Variants in MAF observed in about 807,000 individuals in gnomAD.
The protein encoded by MAF is transcription factor Maf.
A neutral mutation model predicts 22.0 loss-of-function variants in MAF; 10 were observed. That is an observed-to-expected ratio of 0.45 (90% confidence interval 0.28 to 0.77). The LOEUF is 0.77. Ranked by LOEUF, MAF falls within the 30% of genes least tolerant of loss-of-function variation. The pLI is 0.12. For missense variants in MAF, 544 were observed against 548.4 expected, an observed-to-expected ratio of 0.99 and a Z score of 0.08; for synonymous variants, 337 against 255.8, an observed-to-expected ratio of 1.32 and a Z score of -3.03.
At chr16:79,268,006 C>T in the MAF span, among the ~76,000 whole-genome samples, 1 of 152,172 alleles carries the variant, frequency 6.6e-6, no homozygotes, top group Non-Finnish European at 1.5e-5. Flanking sequence ...ACTGGCAGAG[C>T]TGTCCGGGTG....
chr16:79,356,602 C>A, the MAF span, among the ~76,000 whole-genome samples: 2 of 152,254 alleles, frequency 1.3e-5, no homozygotes, highest in South Asian at 4.1e-4. Flanking sequence ...CTCTGCTTTG[C>A]CCAGCTCTTT....
chr16:79,276,698 G>A, the MAF span, among the ~76,000 whole-genome samples: 3 of 152,190 alleles, frequency 2.0e-5, no homozygotes, highest in Admixed American at 1.3e-4. Flanking sequence ...TCATGGTGGT[G>A]ATGGTGATGA....
At chr16:79,467,515 G>A in the MAF span, among the ~76,000 whole-genome samples, 10 of 152,276 alleles carry the variant, frequency 6.6e-5, no homozygotes, top group South Asian at 2.1e-4. Context: ...TAATTTGTCC[G>A]AAACCATACA....
intron 1 of MAF, chr16:79,598,317 C>A (rs911171409): frequency 7.3e-6 from 8 of 1,100,248 alleles, no homozygotes; most frequent in Non-Finnish European, 8.9e-6. Flanking sequence ...AAAATGAACA[C>A]CAGTTCATGA....
the MAF span, chr16:79,211,726 A>T: frequency 3.1e-6 from 5 of 1,614,226 alleles, no homozygotes; most frequent in Non-Finnish European, 4.2e-6. Flanking sequence ...CAGAGCGAAG[A>T]GACGGCCCGG....
At chr16:79,553,560 G>A in the MAF span, among the ~76,000 whole-genome samples, 19 of 152,182 alleles carry the variant, frequency 1.2e-4, no homozygotes, top group Non-Finnish European at 2.4e-4. Context: ...CATCTCACCC[G>A]GAGCCTGTGC....
chr16:79,489,333 C>A, the MAF span, among the ~76,000 whole-genome samples: 1 of 152,112 alleles, frequency 6.6e-6, no homozygotes, highest in Non-Finnish European at 1.5e-5. Context: ...ATCCATCCAC[C>A]CATTCATCTA....
the MAF span, among the ~76,000 whole-genome samples, chr16:79,412,772 C>G: frequency 6.6e-6 from 1 of 152,156 alleles, no homozygotes; most frequent in Non-Finnish European, 1.5e-5. Flanking sequence ...TAAAGCTGTC[C>G]TAAAGGACAG....
At chr16:79,519,231 C>T in the MAF span, among the ~76,000 whole-genome samples, 25 of 152,168 alleles carry the variant, frequency 1.6e-4, no homozygotes, top group East Asian at 3.5e-3. Context: ...ACTCTGAGCT[C>T]GGGATACCCA....
At chr16:79,309,778 C>T in the MAF span, among the ~76,000 whole-genome samples, 5 of 152,316 alleles carry the variant, frequency 3.3e-5, no homozygotes, top group East Asian at 9.7e-4. Flanking sequence ...ATGCAGATGG[C>T]TCCCCTTAAA....
the MAF span, among the ~76,000 whole-genome samples, chr16:79,381,724 T>C: frequency 6.6e-6 from 1 of 152,160 alleles, no homozygotes; most frequent in Non-Finnish European, 1.5e-5. Flanking sequence ...CCTTCTCGGT[T>C]ACACTATTTC....
At chr16:79,356,436 G>C in the MAF span, among the ~76,000 whole-genome samples, 1 of 152,098 alleles carries the variant, frequency 6.6e-6, no homozygotes. Flanking sequence ...TCTTGCTATA[G>C]AACCTTCCCA....
chr16:79,377,447 A>C, the MAF span, among the ~76,000 whole-genome samples: 1 of 152,120 alleles, frequency 6.6e-6, no homozygotes. Flanking sequence ...AGATGAGTAG[A>C]TTGCAAAAAT....
chr16:79,519,837 G>GA, the MAF span, among the ~76,000 whole-genome samples: 1 of 152,322 alleles, frequency 6.6e-6, no homozygotes, highest in South Asian at 2.1e-4. Flanking sequence ...ACCATGTGGG[G>GA]AAAAAAGGTA....
At chr16:79,554,979 G>C in the MAF span, among the ~76,000 whole-genome samples, 1 of 152,156 alleles carries the variant, frequency 6.6e-6, no homozygotes, top group Non-Finnish European at 1.5e-5. Context: ...GCCCAGAAAT[G>C]TGAGTGAGTT....
the MAF span, among the ~76,000 whole-genome samples, chr16:79,427,827 T>C: frequency 6.6e-6 from 1 of 152,102 alleles, no homozygotes; most frequent in African/African-American, 2.4e-5. Context: ...CACGGCCTCC[T>C]TGTGAGAAAG....
the MAF span, among the ~76,000 whole-genome samples, chr16:79,339,355 G>T: frequency 1.3e-5 from 2 of 152,154 alleles, no homozygotes; most frequent in African/African-American, 4.8e-5. Context: ...CACCGCACCC[G>T]GCCTGGGTCA....
the MAF span, among the ~76,000 whole-genome samples, chr16:79,441,679 A>T: frequency 3.2e-4 from 48 of 152,376 alleles, 1 homozygote; most frequent in South Asian, 8.9e-3. Context: ...CTCAGAAGCC[A>T]CAGTTTGCTG....
At chr16:79,506,790 G>A in the MAF span, among the ~76,000 whole-genome samples, 2 of 152,192 alleles carry the variant, frequency 1.3e-5, no homozygotes, top group Non-Finnish European at 2.9e-5. Flanking sequence ...CTGAAGGAGT[G>A]AAGAAGAGAG....
Sources: allele counts gnomAD v4.1 joint callset (sites outside exome capture counted in the v4.1 genomes callset), GRCh38; gene constraint gnomAD v4.1.1; transcripts MANE v1.5; gene names NCBI Gene and HGNC (gene_info 2026-07-23, HGNC 2026-07-21).